C1orf21: variants seen among roughly 807,000 people sequenced by gnomAD.
C1orf21 encodes chromosome 1 open reading frame 21.
In C1orf21, 3 loss-of-function variants were observed where a neutral mutation model predicts 18.7. The ratio of observed to expected loss-of-function variants is 0.16; its 90% CI spans 0.07 to 0.42. C1orf21 has a LOEUF of 0.42. Ranked by LOEUF, C1orf21 falls within the 10% of genes least tolerant of loss-of-function variation. C1orf21 has a pLI of 0.99. For missense variants in C1orf21, 104 were observed against 143.6 expected (o/e 0.72, Z 1.41); for synonymous variants, 41 against 46.4 (o/e 0.88, Z 0.47).
At chr1:184,548,861 T>G (rs2101980796) in intron 3 of C1orf21, among the ~76,000 whole-genome samples, 2 of 152,284 alleles carry the variant, frequency 1.3e-5, no homozygotes, top group Middle Eastern at 6.8e-3. Flanking sequence ...TTAAAGTTGT[T>G]GAAATATTAA....
At chr1:184,587,525 TGTG>T (rs1659374460) in intron 3 of C1orf21, among the ~76,000 whole-genome samples, 1 of 7,048 alleles carries the variant, frequency 1.4e-4, no homozygotes, top group Admixed American at 9.5e-4. Flanking sequence ...TCCTAGGAAT[TGTG>T]TGTGTGTGTG....
At chr1:184,439,141 G>A (rs905351765) in intron 1 of C1orf21, among the ~76,000 whole-genome samples, 1 of 151,964 alleles carries the variant, frequency 6.6e-6, no homozygotes, top group Non-Finnish European at 1.5e-5. Flanking sequence ...AACCCAGGAG[G>A]CGAAGGTTGC....
chr1:184,405,743 T>A (rs906848877), intron 1 of C1orf21, among the ~76,000 whole-genome samples: 1 of 152,216 alleles, frequency 6.6e-6, no homozygotes, highest in Non-Finnish European at 1.5e-5. Flanking sequence ...CCTCTTTAGA[T>A]TGGTGCTCCT....
rs1261377986 is a variant in C1orf21 at position 184,626,821 on chromosome 1, C to T, written c.*7265C>T. The T allele has an allele frequency of 2.0e-5, 3 of 152,506 alleles. No individual in the cohort carries two copies. Among genetic ancestry groups the T allele is most frequent in the African/African-American group, 7.2e-5 (3 of 41,458 alleles). 9.4% of individuals were successfully genotyped at this position (152,506 alleles called of 1,614,324 possible). On this transcript the variant is annotated 3_prime_UTR_variant, in exon 6 of 6. Coordinates refer to ENST00000235307, the MANE Select transcript of C1orf21 (RefSeq NM_030806.4). Reference sequence around the variant, plus strand: ...GGAGACAAAGGGGACAGCTCTGGGTCAGCATGACCTTCTTTAGAGCCACTA... The same window carrying T: ...GGAGACAAAGGGGACAGCTCTGGGTTAGCATGACCTTCTTTAGAGCCACTA...
rs1656116828 is a variant in C1orf21 at position 184,399,542 on chromosome 1, AG to A, written c.-125+12178del. Among the ~76,000 whole-genome samples, 5 of 151,678 alleles carry A rather than the reference AG, an allele frequency of 3.3e-5. No homozygotes were observed. In the South Asian group the frequency reaches 8.4e-4, roughly 25 times the overall value. Reference sequence around the variant, plus strand: ...CACACCCAGCTAATATTTTGTAGAGAGGGGTTTTTGCCATGTTGCCCAGGCT... The same window carrying A: ...CACACCCAGCTAATATTTTGTAGAGAGGGTTTTTGCCATGTTGCCCAGGCT... On this transcript the variant is annotated intron_variant, in intron 1 of 5. Coordinates refer to ENST00000235307, the MANE Select transcript of C1orf21 (RefSeq NM_030806.4).
At chr1:184,409,695 G>T (rs562131049) in intron 1 of C1orf21, among the ~76,000 whole-genome samples, 1 of 152,048 alleles carries the variant, frequency 6.6e-6, no homozygotes, top group Non-Finnish European at 1.5e-5. Flanking sequence ...GGACAAATAC[G>T]CACCAAATAG....
intron 3 of C1orf21, among the ~76,000 whole-genome samples, chr1:184,552,775 A>G (rs1222405178): frequency 6.6e-6 from 1 of 152,234 alleles, no homozygotes; most frequent in Non-Finnish European, 1.5e-5. Context: ...GAAAAAAATG[A>G]CATAGGAAAC....
chr1:184,441,201 C>T (rs952274973), intron 1 of C1orf21, among the ~76,000 whole-genome samples: 3 of 152,212 alleles, frequency 2.0e-5, no homozygotes, highest in Non-Finnish European at 4.4e-5. Flanking sequence ...AGTTAACTTT[C>T]AGCAAGTTAC....
intron 1 of C1orf21, among the ~76,000 whole-genome samples, chr1:184,433,258 C>T (rs974853242): frequency 2.0e-5 from 3 of 151,742 alleles, no homozygotes; most frequent in Non-Finnish European, 4.4e-5. Flanking sequence ...TCTTCTTCTC[C>T]TCAGAGTGCC....
intron 3 of C1orf21, among the ~76,000 whole-genome samples, chr1:184,545,517 C>T (rs902184834): frequency 1.3e-5 from 2 of 152,016 alleles, no homozygotes; most frequent in African/African-American, 4.8e-5. Flanking sequence ...AATTGAGGCA[C>T]CTAAGTCTGT....
At chr1:184,483,729 CT>C (rs1185456066) in intron 2 of C1orf21, among the ~76,000 whole-genome samples, 4 of 152,088 alleles carry the variant, frequency 2.6e-5, no homozygotes, top group African/African-American at 9.7e-5. Context: ...TGTTTTTGGT[CT>C]GTTTTTACTT....
chr1:184,426,533 C>T (rs1053746137), intron 1 of C1orf21, among the ~76,000 whole-genome samples: 6 of 152,140 alleles, frequency 3.9e-5, no homozygotes, highest in Non-Finnish European at 5.9e-5. Flanking sequence ...CTCTGAATGC[C>T]TGCATCTCCC....
intron 2 of C1orf21, among the ~76,000 whole-genome samples, chr1:184,489,513 A>G (rs1364170254): frequency 1.3e-5 from 2 of 152,208 alleles, no homozygotes; most frequent in Non-Finnish European, 2.9e-5. Flanking sequence ...CAAAATAGTA[A>G]CATATATCAA....
chr1:184,537,457 G>A (rs1571404042), intron 3 of C1orf21, among the ~76,000 whole-genome samples: 2 of 152,106 alleles, frequency 1.3e-5, no homozygotes, highest in African/African-American at 4.8e-5. Flanking sequence ...GTCGTATCCT[G>A]TATCAAAATT....
chr1:184,572,521 A>C (rs562574828), intron 3 of C1orf21, among the ~76,000 whole-genome samples: 1 of 152,338 alleles, frequency 6.6e-6, no homozygotes, highest in African/African-American at 2.4e-5. Context: ...AATGGGATAA[A>C]GTCTCTAACA....
At chr1:184,455,679 C>T (rs919300320) in intron 1 of C1orf21, among the ~76,000 whole-genome samples, 3 of 152,130 alleles carry the variant, frequency 2.0e-5, no homozygotes, top group African/African-American at 7.2e-5. Flanking sequence ...AACTTCATTC[C>T]TTGTTCCCAT....
intron 1 of C1orf21, among the ~76,000 whole-genome samples, chr1:184,409,385 G>A (rs2101960875): frequency 6.6e-6 from 1 of 152,300 alleles, no homozygotes; most frequent in African/African-American, 2.4e-5. Context: ...GGTGAGGAAT[G>A]TGGGCTGCGG....
chr1:184,607,680 T>TATACATATATGTGTGTGTATATATATAC (rs1659667157), intron 5 of C1orf21, among the ~76,000 whole-genome samples: 1 of 150,946 alleles, frequency 6.6e-6, no homozygotes, highest in African/African-American at 2.4e-5. Context: ...TGTATATATA[T>TATACATATATGTGTGTGTATATATATAC]ACATATATGT....
intron 1 of C1orf21, among the ~76,000 whole-genome samples, chr1:184,440,122 G>A (rs562134764): frequency 7.9e-5 from 12 of 152,116 alleles, no homozygotes; most frequent in Admixed American, 3.3e-4. Flanking sequence ...AGTGATTTCC[G>A]ATTTCTCCAC....
Sources: allele counts gnomAD v4.1 joint callset (sites outside exome capture counted in the v4.1 genomes callset), GRCh38; gene constraint gnomAD v4.1.1; transcripts MANE v1.5; gene names NCBI Gene and HGNC (gene_info 2026-07-23, HGNC 2026-07-21).